The following ARHGEF28 variants were observed in gnomAD, a reference collection of about 807,000 sequenced individuals.
ARHGEF28 encodes the protein 190 kDa guanine nucleotide exchange factor.
Under a neutral mutation model 206.6 loss-of-function variants are expected in ARHGEF28, and 152 were observed. That is an observed-to-expected ratio of 0.74 (90% confidence interval 0.64 to 0.84). ARHGEF28 has a LOEUF of 0.84. Among genes scored for constraint, ARHGEF28 ranks in the 40% least tolerant of loss-of-function variants. The pLI is 0.00. For synonymous variants in ARHGEF28, 763 were observed against 776.4 expected (o/e 0.98, Z 0.29); for missense variants, 2,028 against 2,073.2 (o/e 0.98, Z 0.42).
chr5:73,807,609 A>G (rs1490982402), intron 9 of ARHGEF28, among the ~76,000 whole-genome samples: 4 of 151,130 alleles, frequency 2.6e-5, no homozygotes, highest in African/African-American at 9.7e-5. Context: ...CTCAGCCTCC[A>G]TAGTAGCTGG....
chr5:73,812,443 A>G (rs1370916771), intron 9 of ARHGEF28, among the ~76,000 whole-genome samples: 1 of 152,248 alleles, frequency 6.6e-6, no homozygotes, highest in Non-Finnish European at 1.5e-5. Context: ...AACAAAACAA[A>G]CATTTCTTGC....
intron 7 of ARHGEF28, chr5:73,786,406 T>C (rs1337372300): frequency 6.6e-6 from 1 of 152,216 alleles, no homozygotes; most frequent in Admixed American, 6.5e-5. Context: ...ACTACCCCTA[T>C]AGAGCAGAGG....
intron 9 of ARHGEF28, among the ~76,000 whole-genome samples, chr5:73,812,507 A>G (rs1049935812): frequency 2.0e-5 from 3 of 152,106 alleles, no homozygotes; most frequent in East Asian, 3.9e-4. Context: ...AACATTTGGG[A>G]TATCCTTTTT....
At chr5:73,830,626 A>G (rs920707984) in intron 9 of ARHGEF28, among the ~76,000 whole-genome samples, 19 of 152,134 alleles carry the variant, frequency 1.2e-4, no homozygotes, top group Non-Finnish European at 2.8e-4. Flanking sequence ...AGCTTAATGA[A>G]TCTCACACTT....
intron 18 of ARHGEF28, among the ~76,000 whole-genome samples, 164 bp downstream of exon 18, chr5:73,866,177 C>G (rs765845154): frequency 2.6e-5 from 4 of 152,118 alleles, no homozygotes; most frequent in Non-Finnish European, 5.9e-5. Flanking sequence ...GTCAAGAAGG[C>G]TATCAACTTC....
At chr5:73,690,765 G>A (rs191598656) in intron 2 of ARHGEF28, among the ~76,000 whole-genome samples, 7 of 152,106 alleles carry the variant, frequency 4.6e-5, no homozygotes, top group Admixed American at 2.0e-4. Context: ...GTTTAGTGCT[G>A]TGAATAAAAC....
intron 35 of ARHGEF28, among the ~76,000 whole-genome samples, chr5:73,921,618 A>G (rs7734473): frequency 0.028 from 4,326 of 152,274 alleles, 149 homozygotes; most frequent in African/African-American, 0.08. Flanking sequence ...GGCTGTTCAA[A>G]TTTAATTATT....
chr5:73,710,355 T>C (rs1248996634), intron 2 of ARHGEF28, among the ~76,000 whole-genome samples: 1 of 152,226 alleles, frequency 6.6e-6, no homozygotes, highest in Non-Finnish European at 1.5e-5. Flanking sequence ...TAGCTTTTCT[T>C]TGGTGAAGTG....
intron 2 of ARHGEF28, among the ~76,000 whole-genome samples, chr5:73,686,272 C>T (rs2112252559): frequency 6.6e-6 from 1 of 152,148 alleles, no homozygotes; most frequent in East Asian, 1.9e-4. Context: ...GCTGTTTTTT[C>T]TGTGTGTGCC....
At position 73,938,263 on chromosome 5, in the gene ARHGEF28, G is replaced by T. The variant is rs527864; in HGVS notation, c.4949-2581G>T. Among the ~76,000 whole-genome samples, 962 of 150,816 alleles carry T rather than the reference G, an allele frequency of 6.4e-3. 67 individuals are homozygous for T. The East Asian group carries it at 0.15, about 24-fold the overall frequency. ...ATCTTCTTGAAGTAGAGCATACAAT[G>T]TAACTTAAAAAAGAGTTATTTCTGA... On this transcript the variant is annotated intron_variant, in intron 35 of 35. Transcript: ENST00000513042.
At chr5:73,872,155 T>G (rs551821220) in intron 21 of ARHGEF28, among the ~76,000 whole-genome samples, 79 of 152,182 alleles carry the variant, frequency 5.2e-4, no homozygotes, top group Non-Finnish European at 8.5e-4. Context: ...AATACCTGTT[T>G]GTTGCTTTTT....
chr5:73,644,347 T>C (rs1347716014), intron 1 of ARHGEF28, among the ~76,000 whole-genome samples: 1 of 152,248 alleles, frequency 6.6e-6, no homozygotes, highest in Non-Finnish European at 1.5e-5. Flanking sequence ...GATTTTACCA[T>C]TTCTCTGGGT....
At chr5:73,841,021 A>T (rs1409287096) in intron 11 of ARHGEF28, among the ~76,000 whole-genome samples, 1 of 152,188 alleles carries the variant, frequency 6.6e-6, no homozygotes, top group Admixed American at 6.5e-5. Context: ...TAACAATCCC[A>T]TGTTTTGGTG....
intron 9 of ARHGEF28, among the ~76,000 whole-genome samples, chr5:73,808,667 A>G (rs11748142): frequency 0.012 from 1,896 of 152,322 alleles, 14 homozygotes; most frequent in Non-Finnish European, 0.017. Flanking sequence ...GGCTCAGCTT[A>G]TCCAGGAAAG....
intron 1 of ARHGEF28, among the ~76,000 whole-genome samples, chr5:73,658,434 T>G (rs989546036): frequency 6.6e-6 from 1 of 152,146 alleles, no homozygotes; most frequent in Non-Finnish European, 1.5e-5. Context: ...GGGACTATTG[T>G]AGGCACACAG....
intron 9 of ARHGEF28, among the ~76,000 whole-genome samples, chr5:73,801,195 C>T (rs373325446): frequency 1.3e-5 from 2 of 152,122 alleles, no homozygotes; most frequent in East Asian, 1.9e-4. Context: ...GCCTGTAATC[C>T]CAGCACTTTG....
At chr5:73,881,525 C>T (rs1760949274) in intron 22 of ARHGEF28, among the ~76,000 whole-genome samples, 1 of 152,022 alleles carries the variant, frequency 6.6e-6, no homozygotes, top group Non-Finnish European at 1.5e-5. Context: ...GATTTGTACC[C>T]AGGTGATTTT....
Position 73,901,189 on chromosome 5 carries a change from G to A in ARHGEF28, c.3979G>A (p.Val1327Ile). The part of the protein sequence containing the change: ...DVPGSPTASL[V>I]TGGREGRGCS... ...TCTCGATGGCGTGCTTCCAGCATTA[G>A]TCACAGGAGGGAGAGAAGGAAGAGG... is the stretch of plus-strand genomic sequence containing the variant. Residue 1327 changes from valine (V) to isoleucine (I), a missense_variant, in exon 31 of 36, where the codon GTC becomes ATC. By Grantham distance (29) the Val-to-Ile change is conservative. This residue lies in a region of ARHGEF28 where 803 missense variants were observed against 768.0 expected (regional missense o/e 1.05). Coordinates refer to ENST00000513042, the MANE Select transcript of ARHGEF28 (RefSeq NM_001177693.2). 6.2e-7 allele frequency: 1 copy of A among 1,612,850 alleles called. No individual in the cohort carries two copies. Among genetic ancestry groups the A allele is most frequent in the Non-Finnish European group, 8.5e-7 (1 of 1,179,442 alleles).
rs137943078 is a variant in ARHGEF28 at position 73,935,264 on chromosome 5, A to G, written c.4949-5580A>G. 4.2e-3 allele frequency among the ~76,000 whole-genome samples: 633 copies of G among 152,322 alleles called. 3 individuals are homozygous for G. The highest frequency in any genetic ancestry group is 0.015 in the African/African-American group (605 of 41,566). On this transcript the variant is annotated intron_variant, in intron 35 of 35. Transcript: ENST00000513042. The stretch of plus-strand genomic sequence containing the variant: ...CATGTGTTATACATGCCACATACAT[A>G]CACAAACACATGCCCACCCCACAGC...
Sources: allele counts gnomAD v4.1 joint callset (sites outside exome capture counted in the v4.1 genomes callset), GRCh38; gene constraint gnomAD v4.1.1; regional missense constraint gnomAD v4.1.1; transcripts MANE v1.5; gene names NCBI Gene and HGNC (gene_info 2026-07-23, HGNC 2026-07-21).